Variants in C7 observed in about 807,000 individuals in gnomAD.
C7 encodes complement C7.
Under a neutral mutation model 104.8 loss-of-function variants are expected in C7, and 83 were observed. The observed-to-expected ratio is 0.79, with a 90% CI of 0.66 to 0.95. The LOEUF (loss-of-function observed/expected upper bound fraction) is 0.95. Ranked by LOEUF, C7 falls within the 40% of genes least tolerant of loss-of-function variation. The pLI is 0.00. For missense variants in C7, 1,070 were observed against 1,011.2 expected (o/e 1.06, Z -0.79); for synonymous variants, 415 against 360.6 (o/e 1.15, Z -1.71).
At chr5:40,909,697 A>G in intron 1 of C7, 81 bp downstream of exon 1, 1 of 1,077,018 alleles carries the variant, frequency 9.3e-7, no homozygotes, top group Admixed American at 2.1e-5. Context: ...AATTTAAACG[A>G]AGAGGTGTAA....
At chr5:40,909,699 G>A in intron 1 of C7, 83 bp downstream of exon 1, 6 of 1,021,354 alleles carry the variant, frequency 5.9e-6, no homozygotes, top group Non-Finnish European at 8.6e-6. Context: ...TTTAAACGAA[G>A]AGGTGTAATA....
Position 40,983,126 on chromosome 5 carries a change from A to T in C7, c.*1553A>T, listed in dbSNP as rs554974679. Among the ~76,000 whole-genome samples, 1 of 152,222 alleles carries T rather than the reference A, an allele frequency of 6.6e-6. No homozygotes were observed. Among genetic ancestry groups the T allele is most frequent in the Non-Finnish European group, 1.5e-5 (1 of 68,038 alleles). On this transcript the variant is annotated 3_prime_UTR_variant, in exon 18 of 18. Transcript: ENST00000313164. Reference sequence around the variant, plus strand: ...AGGTTTCAATTGGTTAAAAACAATGACATTCAGACATTGCAACTGCATTTG... The same window carrying T: ...AGGTTTCAATTGGTTAAAAACAATGTCATTCAGACATTGCAACTGCATTTG...
At chr5:40,936,625 T>A (rs1739823831) in intron 5 of C7, 140 bp downstream of exon 5, 1 of 739,208 alleles carries the variant, frequency 1.4e-6, no homozygotes, top group African/African-American at 1.8e-5. Flanking sequence ...TGCCACATCC[T>A]GAGACAGTAT....
chr5:40,959,599 A>T lies in C7; in HGVS notation c.1640A>T (p.Asp547Val). 6.2e-7 allele frequency: 1 copy of T among 1,602,672 alleles called. No homozygotes were observed. Among genetic ancestry groups the T allele is most frequent in the Non-Finnish European group, 8.5e-7 (1 of 1,174,736 alleles). The change falls in exon 12 of 18, where the codon GAT (aspartate) becomes GTT (valine). Residue 547 changes from aspartate to valine, a missense_variant. Physicochemically the swap from Asp to Val is radical, Grantham distance 152 (BLOSUM62 -3). Transcript: ENST00000313164. The stretch of plus-strand genomic sequence containing the variant: ...ACGACAGAAAGCACACAATGCGAAG[A>T]TGAGGAGCTGGAGCACTTGAGGTAA... ...GETTESTQCE[D>V]EELEHLRLLE... is the part of the protein sequence containing the mutation.
intron 8 of C7, among the ~76,000 whole-genome samples, 167 bp downstream of exon 8, chr5:40,948,012 T>C (rs983765407): frequency 1.3e-5 from 2 of 152,204 alleles, no homozygotes; most frequent in Admixed American, 6.5e-5. Flanking sequence ...TAAAATCTTA[T>C]ATGGTTTAAG....
intron 9 of C7, chr5:40,954,748 G>T (rs1384891001): frequency 6.3e-6 from 1 of 159,428 alleles, no homozygotes. Context: ...GCCAGGTGTG[G>T]TGGCGTACAC....
At chr5:40,944,336 T>C (rs1249135979) in intron 6 of C7, among the ~76,000 whole-genome samples, 3 of 152,228 alleles carry the variant, frequency 2.0e-5, no homozygotes, top group Non-Finnish European at 2.9e-5. Context: ...AAGAGAGTTT[T>C]ACATGAAGAG....
At chr5:40,910,682 C>A (rs1311892897) in intron 1 of C7, among the ~76,000 whole-genome samples, 1 of 150,478 alleles carries the variant, frequency 6.6e-6, no homozygotes, top group African/African-American at 2.5e-5. Flanking sequence ...ATCAAATACC[C>A]CATGTTCTTA....
intron 15 of C7, among the ~76,000 whole-genome samples, chr5:40,974,793 A>T (rs1740778927): frequency 6.6e-6 from 1 of 152,196 alleles, no homozygotes; most frequent in Admixed American, 6.5e-5. Context: ...TTTTAACCAC[A>T]GTGCAGAACT....
chr5:40,943,334 T>C (rs1327607774), intron 6 of C7, among the ~76,000 whole-genome samples: 4 of 152,178 alleles, frequency 2.6e-5, no homozygotes, highest in Non-Finnish European at 5.9e-5. Context: ...TATAGGATGG[T>C]TGAATTTGGG....
intron 10 of C7, among the ~76,000 whole-genome samples, chr5:40,955,770 G>T (rs1325081708): frequency 1.3e-5 from 2 of 152,114 alleles, no homozygotes; most frequent in Admixed American, 1.3e-4. Flanking sequence ...TAAATGTCTT[G>T]CAATTTCCAA....
chr5:40,973,632 A>G (rs186016600), intron 15 of C7, among the ~76,000 whole-genome samples: 1 of 152,368 alleles, frequency 6.6e-6, no homozygotes, highest in Admixed American at 6.5e-5. Flanking sequence ...TTAAGTTATC[A>G]AAGCTCCATC....
In C7 at chr5:40,937,661, A is replaced by C; in HGVS notation, c.538A>C (p.Ser180Arg). 1 of 1,600,790 alleles carries C rather than the reference A, an allele frequency of 6.2e-7. No homozygotes were observed. The highest frequency in any genetic ancestry group is 8.5e-7 in the Non-Finnish European group (1 of 1,172,576). The change falls in exon 6 of 18, where the codon AGT becomes CGT. Residue 180 changes from serine (S) to arginine (R), a missense_variant. Transcript: ENST00000313164. ...GGATGGAAAAGATTTCTACAGGCTG[A>C]GTGGAAATGTCCTGTCCTATACATT... ...SGDGKDFYRL[S>R]GNVLSYTFQV...
chr5:40,909,513 G>A lies in C7; in HGVS notation c.-98G>A. 1 of 837,088 alleles carries A rather than the reference G, an allele frequency of 1.2e-6. No homozygotes were observed. Among genetic ancestry groups the A allele is most frequent in the Non-Finnish European group, 1.9e-6 (1 of 521,294 alleles). The allele number at this position is 837,088 out of a possible 1,614,324, so 51.9% of individuals were successfully genotyped here. A position where few individuals can be genotyped will look rare whatever the true frequency, so the allele number is the denominator to read the frequency against. On this transcript the variant is annotated 5_prime_UTR_variant, in exon 1 of 18. Coordinates refer to ENST00000313164, the MANE Select transcript of C7 (RefSeq NM_000587.4). ...ATCTAGAGCAGGGAGAGGCAGAGAGGCAGGCAGCCTGCTGGGCTCTTCCTG... is the reference window on the plus strand; with the variant it reads ...ATCTAGAGCAGGGAGAGGCAGAGAGACAGGCAGCCTGCTGGGCTCTTCCTG...
chr5:40,959,547 G>C lies in C7; in HGVS notation c.1588G>C (p.Gly530Arg), dbSNP rs1740378537. Residue 530 changes from glycine to arginine, a missense_variant, in exon 12 of 18, where the codon GGG (glycine) becomes CGG (arginine). Coordinates refer to ENST00000313164, the MANE Select transcript of C7 (RefSeq NM_000587.4). Reference protein sequence around the residue: ...SRECNNPPPSGGGRSCVGETT... With the variant: ...SRECNNPPPSRGGRSCVGETT... ...TGAATGCAATAACCCACCTCCCAGTGGGGGTGGGAGATCCTGCGTTGGAGA... is the reference window on the plus strand; with the variant it reads ...TGAATGCAATAACCCACCTCCCAGTCGGGGTGGGAGATCCTGCGTTGGAGA... 2 of 1,611,024 alleles carry C rather than the reference G, an allele frequency of 1.2e-6. No individual in the cohort carries two copies. The highest frequency in any genetic ancestry group is 1.3e-5 in the African/African-American group (1 of 74,962).
chr5:40,943,569 T>G (rs893607508), intron 6 of C7, among the ~76,000 whole-genome samples: 1 of 152,036 alleles, frequency 6.6e-6, no homozygotes, highest in Non-Finnish European at 1.5e-5. Flanking sequence ...TAATTTTTTT[T>G]TTTTTTGCAT....
chr5:40,959,805 G>C (rs1405825617), intron 12 of C7, among the ~76,000 whole-genome samples, 185 bp downstream of exon 12: 3 of 152,200 alleles, frequency 2.0e-5, no homozygotes, highest in Non-Finnish European at 4.4e-5. Context: ...AGGTTTTCCT[G>C]AAACAAGTGT....
chr5:40,949,024 G>A (rs1317240744), intron 8 of C7, among the ~76,000 whole-genome samples: 1 of 151,748 alleles, frequency 6.6e-6, no homozygotes, highest in Non-Finnish European at 1.5e-5. Flanking sequence ...TTGTAGCAAC[G>A]ACAAGGACAC....
At chr5:40,924,547 G>A (rs1410242978) in intron 1 of C7, among the ~76,000 whole-genome samples, 1 of 152,210 alleles carries the variant, frequency 6.6e-6, no homozygotes, top group Non-Finnish European at 1.5e-5. Flanking sequence ...CTGTGTGGGG[G>A]GGTTCCAACC....
Sources: allele counts gnomAD v4.1 joint callset (sites outside exome capture counted in the v4.1 genomes callset), GRCh38; gene constraint gnomAD v4.1.1; transcripts MANE v1.5; gene names NCBI Gene and HGNC (gene_info 2026-07-23, HGNC 2026-07-21).